GGNBP2: variants seen among roughly 807,000 people sequenced by gnomAD.
The protein encoded by GGNBP2 is gametogenetin binding protein 2, also known as gametogenetin-binding protein 2.
In GGNBP2, 10 loss-of-function variants were observed where a neutral mutation model predicts 85.9. The ratio of observed to expected loss-of-function variants is 0.12; its 90% CI spans 0.07 to 0.20. The LOEUF is 0.20. GGNBP2 is among the 10% of genes least tolerant of loss of function. The probability of loss-of-function intolerance (pLI) is 1.00; values close to 1 mark genes in which losing one functional copy is unlikely to be tolerated. For missense variants in GGNBP2, 595 were observed against 857.8 expected (o/e 0.69, Z 3.83); for synonymous variants, 287 against 285.7 (o/e 1.00, Z -0.05).
chr17:36,582,599 T>A (rs1848452451), intron 9 of GGNBP2: 1 of 152,248 alleles, frequency 6.6e-6, no homozygotes, highest in Admixed American at 6.5e-5. Context: ...ACTATGCTTT[T>A]CCAGATGTGA....
rs1001495926 is a variant in GGNBP2, at chr17:36,545,662, AGCGGCGGCG to A, written c.-54_-46del. 8 of 1,301,024 alleles carry A rather than the reference AGCGGCGGCG, an allele frequency of 6.1e-6. No individual in the cohort carries two copies. Among genetic ancestry groups the A allele is most frequent in the Non-Finnish European group, 8.7e-6 (8 of 922,048 alleles). The allele number at this position is 1,301,024 out of a possible 1,614,324, so 80.6% of individuals were successfully genotyped here. On this transcript the variant is annotated 5_prime_UTR_variant, in exon 2 of 14. Transcript: ENST00000613102. ...CGGCAGCGGCGGCGGCAGAAACAGC[AGCGGCGGCG>A]GCGGCGGCAGCTGGGAGGAGGTGGT... is the stretch of plus-strand genomic sequence containing the variant.
At chr17:36,581,666 A>G in intron 9 of GGNBP2, 128 bp downstream of exon 9, 1 of 530,354 alleles carries the variant, frequency 1.9e-6, no homozygotes, top group African/African-American at 2.0e-5. Flanking sequence ...GTATCACTTG[A>G]GCCTAGGAGT....
rs747476692 is a variant in GGNBP2, at chr17:36,585,446, G to T, written c.1362G>T (p.Lys454Asn). The T allele has an allele frequency of 6.3e-7, 1 of 1,587,570 alleles. No individual in the cohort carries two copies. The highest frequency in any genetic ancestry group is 8.6e-7 in the Non-Finnish European group (1 of 1,165,714). Residue 454 changes from lysine to asparagine, a missense_variant, in exon 10 of 14, where the codon AAG (lysine) becomes AAT (asparagine). Lys to Asn is a moderately conservative substitution (Grantham distance 94, BLOSUM62 0). Transcript: ENST00000613102. ...SGNLLGSPKIKKGLSPHCNGS... is the reference protein window; with the variant it reads ...SGNLLGSPKINKGLSPHCNGS... The stretch of plus-strand genomic sequence containing the variant: ...ATCTTTTGGGGTCCCCTAAAATAAA[G>T]AAAGGTAAGTAAATAATTTCTTTTT...
At chr17:36,549,242 G>A (rs1037627091) in intron 2 of GGNBP2, among the ~76,000 whole-genome samples, 1 of 151,246 alleles carries the variant, frequency 6.6e-6, no homozygotes, top group Non-Finnish European at 1.5e-5. Context: ...TCGCTCTGTC[G>A]CCCAGGCTGG....
chr17:36,572,190 CTAT>C (rs1291356074), intron 6 of GGNBP2, among the ~76,000 whole-genome samples: 3 of 152,234 alleles, frequency 2.0e-5, no homozygotes, highest in African/African-American at 7.2e-5. Flanking sequence ...TATTAAACTA[CTAT>C]GAGAGTATAA....
At chr17:36,566,628 C>T (rs760267739) in intron 5 of GGNBP2, among the ~76,000 whole-genome samples, 1 of 151,806 alleles carries the variant, frequency 6.6e-6, no homozygotes, top group Non-Finnish European at 1.5e-5. Flanking sequence ...TTGCACTGAG[C>T]CAAGATCACG....
chr17:36,557,785 A>G lies in GGNBP2; in HGVS notation c.428+449A>G, dbSNP rs149746342. Among the ~76,000 whole-genome samples, 313 of 152,274 alleles carry G rather than the reference A, an allele frequency of 2.1e-3. 3 individuals carry two copies. Among genetic ancestry groups the G allele is most frequent in the African/African-American group, 7.2e-3 (300 of 41,576 alleles). On this transcript the variant is annotated intron_variant, in intron 4 of 13. Coordinates refer to ENST00000613102, the MANE Select transcript of GGNBP2 (RefSeq NM_024835.5). ...AGGAAGCCCTTGTGGCTGGAGCCAGATGAATGAAGGGAACAGTAATAAAAG... is the reference window on the plus strand; with the variant it reads ...AGGAAGCCCTTGTGGCTGGAGCCAGGTGAATGAAGGGAACAGTAATAAAAG...
intron 3 of GGNBP2, among the ~76,000 whole-genome samples, chr17:36,556,779 T>G (rs991749185): frequency 7.2e-5 from 10 of 139,284 alleles, no homozygotes; most frequent in Non-Finnish European, 6.1e-5. Flanking sequence ...TTTTTTTTTT[T>G]TGTGAGAGGA....
chr17:36,587,517 C>CCAAGT, intron 13 of GGNBP2: 1 of 387,290 alleles, frequency 2.6e-6, no homozygotes, highest in Non-Finnish European at 4.8e-6. Context: ...TCCAATAAAC[C>CCAAGT]CATTATAACT....
At chr17:36,556,235 A>G (rs1169303931) in intron 3 of GGNBP2, among the ~76,000 whole-genome samples, 1 of 152,220 alleles carries the variant, frequency 6.6e-6, no homozygotes, top group East Asian at 1.9e-4. Context: ...GCAGCATGCT[A>G]GTTACTTCCC....
At chr17:36,562,060 G>A (rs973632491) in intron 5 of GGNBP2, among the ~76,000 whole-genome samples, 7 of 152,202 alleles carry the variant, frequency 4.6e-5, no homozygotes, top group Non-Finnish European at 8.8e-5. Context: ...TTGCCTGGGG[G>A]TGGGGATAGT....
Position 36,558,379 on chromosome 17 carries a change from A to C in GGNBP2, c.428+1043A>C, listed in dbSNP as rs141379126. 8.9e-3 allele frequency among the ~76,000 whole-genome samples: 1,109 copies of C among 124,888 alleles called. 18 individuals carry two copies. Among genetic ancestry groups the C allele is most frequent in the African/African-American group, 0.034 (1,058 of 31,122 alleles). 81.9% of individuals were successfully genotyped at this position (124,888 alleles called of 152,430 possible). A position where few individuals can be genotyped will look rare whatever the true frequency, so the allele number is the denominator to read the frequency against. ...GCAGTGAGCTGAGATCGCACATTGC[A>C]CTCCAGCCTGGGCAACAAGAGTAAA... On this transcript the variant is annotated intron_variant, in intron 4 of 13. Coordinates refer to ENST00000613102, the MANE Select transcript of GGNBP2 (RefSeq NM_024835.5).
chr17:36,546,204 C>T (rs976413661), intron 2 of GGNBP2: 3 of 380,772 alleles, frequency 7.9e-6, no homozygotes, highest in African/African-American at 4.1e-5. Flanking sequence ...CTGGTAATGT[C>T]GCAGCTGCAC....
intron 5 of GGNBP2, among the ~76,000 whole-genome samples, chr17:36,565,583 G>A (rs1045582931): frequency 2.0e-5 from 3 of 152,028 alleles, no homozygotes; most frequent in Non-Finnish European, 2.9e-5. Flanking sequence ...GGGAAATTAT[G>A]CATTATACTG....
rs990126911 is a variant in GGNBP2 at position 36,589,497 on chromosome 17, T to C, written c.*86T>C. On this transcript the variant is annotated 3_prime_UTR_variant, in exon 14 of 14. Transcript: ENST00000613102. ...TCGAAAAACTCTTAATTTAGTGACT[T>C]ATGGCAAAATTTTATCTTAAATCAA... 5 of 971,568 alleles carry C rather than the reference T, an allele frequency of 5.1e-6. No individual in the cohort carries two copies. The African/African-American group carries it at 6.5e-5, about 13-fold the overall frequency. The allele number at this position is 971,568 out of a possible 1,614,324, so 60.2% of individuals were successfully genotyped here.
chr17:36,575,648 A>ATATATATATATATATATAT (rs374366757), intron 6 of GGNBP2, among the ~76,000 whole-genome samples: 4 of 54,916 alleles, frequency 7.3e-5, no homozygotes, highest in African/African-American at 2.2e-4. Context: ...ATATATATAT[A>ATATATATATATATATATAT]TTTTTTTTTT....
At chr17:36,571,941 C>T (rs1480062758) in intron 6 of GGNBP2, among the ~76,000 whole-genome samples, 3 of 151,562 alleles carry the variant, frequency 2.0e-5, no homozygotes, top group South Asian at 2.1e-4. Flanking sequence ...TTCATCTACT[C>T]GGGAGGCTGA....
chr17:36,577,153 T>A (rs952991943), intron 6 of GGNBP2: 1 of 152,236 alleles, frequency 6.6e-6, no homozygotes, highest in Non-Finnish European at 1.5e-5. Flanking sequence ...ACTCTTATTG[T>A]GAGCCTGGCT....
At chr17:36,550,001 G>C (rs1244120517) in intron 2 of GGNBP2, among the ~76,000 whole-genome samples, 1 of 151,332 alleles carries the variant, frequency 6.6e-6, no homozygotes, top group Non-Finnish European at 1.5e-5. Flanking sequence ...GCAGTGGTGT[G>C]ATCTTGGCTC....
Sources: allele counts gnomAD v4.1 joint callset (sites outside exome capture counted in the v4.1 genomes callset), GRCh38; gene constraint gnomAD v4.1.1; transcripts MANE v1.5; gene names NCBI Gene and HGNC (gene_info 2026-07-23, HGNC 2026-07-21).